GSG1L: variants seen among roughly 807,000 people sequenced by gnomAD.
GSG1L encodes the protein GSG1 like, also known as germ cell-specific gene 1-like protein.
In GSG1L, 24 loss-of-function variants were observed where a neutral mutation model predicts 42.1. The ratio of observed to expected loss-of-function variants is 0.57; its 90% CI spans 0.41 to 0.80. The LOEUF (loss-of-function observed/expected upper bound fraction) is 0.80. GSG1L is among the 30% of genes least tolerant of loss of function. The pLI is 0.00. For synonymous variants in GSG1L, 215 were observed against 203.5 expected, an observed-to-expected ratio of 1.06 and a Z score of -0.48; for missense variants, 445 against 472.2, an observed-to-expected ratio of 0.94 and a Z score of 0.53.
chr16:27,791,127 C>T lies in GSG1L; in HGVS notation c.*243G>A, dbSNP rs1041713242. ...GGCTCATGTGATGATGGCAAGAGTC[C>T]GGGGCTGCTGTCCCAAAGTCACTCT... is the stretch of plus-strand genomic sequence containing the variant. On this transcript the variant is annotated 3_prime_UTR_variant, in exon 7 of 7. Coordinates refer to ENST00000447459, the MANE Select transcript of GSG1L (RefSeq NM_001109763.2). 6 of 363,772 alleles carry T rather than the reference C, an allele frequency of 1.6e-5. No individual in the cohort carries two copies. Among genetic ancestry groups the T allele is most frequent in the Admixed American group, 9.3e-5 (2 of 21,470 alleles). 22.5% of individuals were successfully genotyped at this position (363,772 alleles called of 1,614,324 possible).
intron 2 of GSG1L, among the ~76,000 whole-genome samples, chr16:27,894,520 C>T (rs766792210): frequency 1.1e-4 from 16 of 152,194 alleles, no homozygotes; most frequent in Admixed American, 2.0e-4. Flanking sequence ...TAAGGCACGG[C>T]GCAGTGGCCG....
At chr16:28,027,920 C>A (rs937650985) in intron 1 of GSG1L, among the ~76,000 whole-genome samples, 2 of 152,146 alleles carry the variant, frequency 1.3e-5, no homozygotes, top group East Asian at 3.9e-4. Flanking sequence ...GGAAGGATTT[C>A]TTGAGTCTGG....
At chr16:28,055,678 C>T (rs2141199242) in intron 1 of GSG1L, among the ~76,000 whole-genome samples, 1 of 151,766 alleles carries the variant, frequency 6.6e-6, no homozygotes, top group East Asian at 2.0e-4. Flanking sequence ...CCATGTTGGC[C>T]AGGCTGGTCT....
intron 1 of GSG1L, among the ~76,000 whole-genome samples, chr16:27,973,608 G>A (rs1330311289): frequency 6.6e-6 from 1 of 152,106 alleles, no homozygotes; most frequent in African/African-American, 2.4e-5. Context: ...ACTAGCACAT[G>A]GCCAGGGGGT....
rs368394279 is a variant in GSG1L at position 27,979,661 on chromosome 16, A to AAGAAAGAAAG, written c.350-16459_350-16458insCTTTCTTTCT. 2.7e-3 allele frequency among the ~76,000 whole-genome samples: 180 copies of AAGAAAGAAAG among 67,712 alleles called. 9 individuals carry two copies. The Middle Eastern group carries it at 0.031, about 12-fold the overall frequency. The allele number at this position is 67,712 out of a possible 152,430, so 44.4% of individuals were successfully genotyped here. On this transcript the variant is annotated intron_variant, in intron 1 of 6. Transcript: ENST00000447459. The stretch of plus-strand genomic sequence containing the variant: ...GGGAGGGGAAAGAAAGAAAGAAAGA[A>AAGAAAGAAAG]AGAGAGAGAGAGAGAGAGAAAGAAA...
At chr16:27,838,162 C>T (rs1567478667) in intron 4 of GSG1L, among the ~76,000 whole-genome samples, 1 of 152,242 alleles carries the variant, frequency 6.6e-6, no homozygotes, top group South Asian at 2.1e-4. Context: ...GCCTCGTTCA[C>T]TTCACTACTA....
intron 2 of GSG1L, among the ~76,000 whole-genome samples, chr16:27,896,722 G>A (rs902761689): frequency 6.6e-6 from 1 of 152,180 alleles, no homozygotes; most frequent in Non-Finnish European, 1.5e-5. Context: ...AGATGCAATG[G>A]GAAAAGCAGA....
At chr16:27,934,061 G>A (rs2084686644) in intron 2 of GSG1L, among the ~76,000 whole-genome samples, 1 of 152,240 alleles carries the variant, frequency 6.6e-6, no homozygotes, top group Non-Finnish European at 1.5e-5. Context: ...GAAATCATGA[G>A]ACAGCAGAGG....
chr16:27,899,753 G>A (rs1190530858), intron 2 of GSG1L, among the ~76,000 whole-genome samples: 1 of 152,252 alleles, frequency 6.6e-6, no homozygotes, highest in East Asian at 1.9e-4. Context: ...CACGTGTAAA[G>A]AGGCATAACC....
intron 3 of GSG1L, among the ~76,000 whole-genome samples, chr16:27,859,972 A>T (rs537980298): frequency 6.6e-6 from 1 of 152,182 alleles, no homozygotes; most frequent in Non-Finnish European, 1.5e-5. Flanking sequence ...GTGAGCTGCC[A>T]CACCCAGCCA....
chr16:27,852,849 C>T (rs2083531157), intron 3 of GSG1L, among the ~76,000 whole-genome samples: 1 of 152,016 alleles, frequency 6.6e-6, no homozygotes, highest in African/African-American at 2.4e-5. Flanking sequence ...CAGCTGCAGT[C>T]CTCCCCGCAG....
chr16:28,052,404 C>G (rs2086230641), intron 1 of GSG1L, among the ~76,000 whole-genome samples: 1 of 152,142 alleles, frequency 6.6e-6, no homozygotes, highest in African/African-American at 2.4e-5. Flanking sequence ...GCTTGGATTA[C>G]AGATGTGTGC....
chr16:27,808,644 C>G (rs1448746597), intron 5 of GSG1L, among the ~76,000 whole-genome samples: 1 of 152,180 alleles, frequency 6.6e-6, no homozygotes, highest in African/African-American at 2.4e-5. Context: ...GTCTCAAACT[C>G]CTGACCTCAG....
intron 3 of GSG1L, among the ~76,000 whole-genome samples, chr16:27,846,754 A>T (rs1323297945): frequency 6.6e-6 from 1 of 151,948 alleles, no homozygotes; most frequent in Non-Finnish European, 1.5e-5. Context: ...GGAGATTGAG[A>T]CCCTCCTGGC....
chr16:27,972,829 C>G (rs961136859), intron 1 of GSG1L, among the ~76,000 whole-genome samples: 1 of 152,254 alleles, frequency 6.6e-6, no homozygotes, highest in African/African-American at 2.4e-5. Flanking sequence ...CCAATGTACA[C>G]TCAGGGTGAG....
At chr16:27,910,340 A>G (rs1301414591) in intron 2 of GSG1L, among the ~76,000 whole-genome samples, 1 of 152,176 alleles carries the variant, frequency 6.6e-6, no homozygotes, top group Non-Finnish European at 1.5e-5. Context: ...GAGAAATACT[A>G]TAACTAATAA....
At chr16:27,905,974 T>A (rs2084317300) in intron 2 of GSG1L, among the ~76,000 whole-genome samples, 1 of 152,136 alleles carries the variant, frequency 6.6e-6, no homozygotes, top group East Asian at 1.9e-4. Flanking sequence ...TATTCTCTCA[T>A]CTGGGAGGCA....
At chr16:28,006,116 G>A (rs1221431861) in intron 1 of GSG1L, among the ~76,000 whole-genome samples, 1 of 152,134 alleles carries the variant, frequency 6.6e-6, no homozygotes, top group Non-Finnish European at 1.5e-5. Context: ...CCCCAGCCAA[G>A]GAACAGGGTG....
At chr16:27,797,440 TTG>T (rs1325720246) in intron 6 of GSG1L, among the ~76,000 whole-genome samples, 5 of 144,656 alleles carry the variant, frequency 3.5e-5, no homozygotes, top group South Asian at 2.2e-4. Flanking sequence ...GGAGAATTGT[TTG>T]AACTCGAGAG....
Sources: gnomAD v4.1 joint callset for allele counts (sites outside exome capture counted in the v4.1 genomes callset) on GRCh38, gnomAD v4.1.1 for gene constraint, MANE v1.5 for transcripts, NCBI Gene and HGNC (gene_info 2026-07-23, HGNC 2026-07-21) for gene names.